The following MBOAT1 variants were observed in gnomAD, a reference collection of about 807,000 sequenced individuals.
MBOAT1 encodes the protein membrane-bound glycerophospholipid O-acyltransferase 1.
MBOAT1 carries 67 observed loss-of-function variants against 64.4 expected under a neutral mutation model. The observed-to-expected ratio is 1.04, with a 90% CI of 0.85 to 1.27. The LOEUF (loss-of-function observed/expected upper bound fraction) is 1.27, where lower values mean the gene tolerates loss of function less well. Among genes scored for constraint, MBOAT1 ranks in the 50% most tolerant of loss-of-function variants. The probability of loss-of-function intolerance (pLI) is 0.00; values close to 1 mark genes in which losing one functional copy is unlikely to be tolerated. For missense variants in MBOAT1, 563 were observed against 604.6 expected, an observed-to-expected ratio of 0.93 and a Z score of 0.72; for synonymous variants, 229 against 218.9, an observed-to-expected ratio of 1.05 and a Z score of -0.41.
chr6:20,175,599 G>A (rs182486599), intron 1 of MBOAT1, among the ~76,000 whole-genome samples: 5 of 150,810 alleles, frequency 3.3e-5, no homozygotes, highest in Non-Finnish European at 4.4e-5. Context: ...GGCACACGTC[G>A]CCACGCCTGG....
chr6:20,211,035 C>T (rs57108598), intron 1 of MBOAT1, among the ~76,000 whole-genome samples: 11,492 of 152,184 alleles, frequency 0.076, 1,343 homozygotes, highest in African/African-American at 0.25. Context: ...AAGTTTCTGA[C>T]TTTCTGTATT....
At chr6:20,111,128 A>C (rs1353022892) in intron 11 of MBOAT1, among the ~76,000 whole-genome samples, 2 of 152,226 alleles carry the variant, frequency 1.3e-5, no homozygotes, top group Non-Finnish European at 2.9e-5. Context: ...TTTGAAATGG[A>C]AATTGCTAGG....
chr6:20,121,537 T>A (rs1414086736), intron 8 of MBOAT1, among the ~76,000 whole-genome samples: 1 of 152,180 alleles, frequency 6.6e-6, no homozygotes. Flanking sequence ...ACTGCAGATG[T>A]CTGGGGAACT....
chr6:20,168,681 G>T (rs1004001215), intron 1 of MBOAT1, among the ~76,000 whole-genome samples: 9 of 134,626 alleles, frequency 6.7e-5, no homozygotes, highest in African/African-American at 2.2e-4. Flanking sequence ...GAGAGAGAAG[G>T]AGAGAAAGAA....
intron 12 of MBOAT1, among the ~76,000 whole-genome samples, chr6:20,107,937 TGTA>T (rs762334569): frequency 2.0e-5 from 3 of 152,080 alleles, no homozygotes; most frequent in Non-Finnish European, 2.9e-5. Context: ...ATGTTAAAAA[TGTA>T]GAGGACAAAA....
chr6:20,182,421 C>A (rs1472017678), intron 1 of MBOAT1, among the ~76,000 whole-genome samples: 4 of 152,184 alleles, frequency 2.6e-5, no homozygotes, highest in African/African-American at 7.2e-5. Flanking sequence ...TTTGGAAGGA[C>A]ACAAACATTC....
At chr6:20,195,817 G>C (rs1295862425) in intron 1 of MBOAT1, among the ~76,000 whole-genome samples, 1 of 152,022 alleles carries the variant, frequency 6.6e-6, no homozygotes, top group African/African-American at 2.4e-5. Context: ...GCAAAAATCA[G>C]AGAGACAAGC....
chr6:20,147,633 C>G (rs373489223), intron 3 of MBOAT1, among the ~76,000 whole-genome samples: 50 of 147,560 alleles, frequency 3.4e-4, no homozygotes, highest in Non-Finnish European at 3.6e-4. Flanking sequence ...GAGCAAACTC[C>G]GTCTCAAAAA....
chr6:20,172,904 T>A (rs1762240978), intron 1 of MBOAT1, among the ~76,000 whole-genome samples: 1 of 152,054 alleles, frequency 6.6e-6, no homozygotes, highest in African/African-American at 2.4e-5. Flanking sequence ...GTGTTGGAGG[T>A]GGGGCCTGGT....
At position 20,112,957 on chromosome 6, in the gene MBOAT1, C is replaced by G. The variant is rs767429912; in HGVS notation, c.1128G>C (p.Leu376=). The change falls in exon 11 of 13, where the codon CTG becomes CTC. Residue 376 remains leucine (L), a synonymous_variant. Coordinates refer to ENST00000324607, the MANE Select transcript of MBOAT1 (RefSeq NM_001080480.3). The stretch of plus-strand genomic sequence containing the variant: ...GGTAGACACCATGCCACAAAGCAGA[C>G]AGGATGAAGGTTAGCACCGTGGGGT... The part of the protein sequence containing the change: ...PWYPTVLTFI[L]SALWHGVYPG... 5.6e-6 allele frequency: 9 copies of G among 1,613,966 alleles called. No homozygotes were observed. In the East Asian group the frequency reaches 2.0e-4, roughly 36 times the overall value.
At chr6:20,115,429 GGC>G in intron 9 of MBOAT1, 77 bp from the exon 10 acceptor site, 1 of 1,210,890 alleles carries the variant, frequency 8.3e-7, no homozygotes, top group Non-Finnish European at 1.2e-6. Context: ...CAGTTTCCCT[GGC>G]AGCAGGTTAG....
intron 4 of MBOAT1, among the ~76,000 whole-genome samples, chr6:20,133,044 G>A (rs1760878926): frequency 6.6e-6 from 1 of 152,066 alleles, no homozygotes; most frequent in African/African-American, 2.4e-5. Flanking sequence ...CTATTTTAAA[G>A]AAAGTATCAA....
chr6:20,207,286 C>T (rs534953120), intron 1 of MBOAT1, among the ~76,000 whole-genome samples: 11 of 152,276 alleles, frequency 7.2e-5, no homozygotes, highest in African/African-American at 2.6e-4. Context: ...TATGCCTTCA[C>T]AAAATGAAAA....
At chr6:20,136,331 C>G (rs1760989774) in intron 4 of MBOAT1, among the ~76,000 whole-genome samples, 1 of 152,162 alleles carries the variant, frequency 6.6e-6, no homozygotes. Context: ...TTTTGGCACT[C>G]AACAACAAAA....
chr6:20,112,179 G>A (rs932248526), intron 11 of MBOAT1, among the ~76,000 whole-genome samples: 5 of 151,842 alleles, frequency 3.3e-5, no homozygotes, highest in Non-Finnish European at 7.4e-5. Flanking sequence ...CAAAACTCCT[G>A]TATTTGGCAA....
chr6:20,124,317 T>C, intron 8 of MBOAT1, 91 bp downstream of exon 8: 2 of 1,338,430 alleles, frequency 1.5e-6, no homozygotes, highest in Admixed American at 2.1e-5. Flanking sequence ...TGAGCTTCTT[T>C]GATGAAGTGA....
chr6:20,189,589 A>G (rs1040679769), intron 1 of MBOAT1, among the ~76,000 whole-genome samples: 5 of 152,184 alleles, frequency 3.3e-5, no homozygotes, highest in East Asian at 1.9e-4. Context: ...AATACAACAC[A>G]TTATTATTTT....
chr6:20,106,776 T>C (rs1313009248), intron 12 of MBOAT1, among the ~76,000 whole-genome samples: 1 of 152,078 alleles, frequency 6.6e-6, no homozygotes. Flanking sequence ...TTAAATTCAA[T>C]AAATAACTAG....
At chr6:20,209,436 G>A (rs1460607979) in intron 1 of MBOAT1, among the ~76,000 whole-genome samples, 1 of 151,918 alleles carries the variant, frequency 6.6e-6, no homozygotes, top group Non-Finnish European at 1.5e-5. Flanking sequence ...ACAGATAAAT[G>A]GAAGAATCAG....
Sources: allele counts gnomAD v4.1 joint callset (sites outside exome capture counted in the v4.1 genomes callset), GRCh38; gene constraint gnomAD v4.1.1; transcripts MANE v1.5; gene names NCBI Gene and HGNC (gene_info 2026-07-23, HGNC 2026-07-21).